Variants in CDH8 observed in about 807,000 individuals in gnomAD.
The protein encoded by CDH8 is cadherin 8.
In CDH8, 17 loss-of-function variants were observed where a neutral mutation model predicts 68.1. The ratio of observed to expected loss-of-function variants is 0.25; its 90% CI spans 0.17 to 0.37. The LOEUF (loss-of-function observed/expected upper bound fraction) is 0.37. Ranked by LOEUF, CDH8 falls within the 10% of genes least tolerant of loss-of-function variation. The pLI is 1.00. For missense variants in CDH8, 763 were observed against 999.3 expected (o/e 0.76, Z 3.19); for synonymous variants, 372 against 365.1 (o/e 1.02, Z -0.21).
Position 61,857,197 on chromosome 16 carries a change from G to T in CDH8, c.589C>A (p.Pro197Thr), listed in dbSNP as rs374842980. 12 of 1,612,638 alleles carry T rather than the reference G, an allele frequency of 7.4e-6. No individual in the cohort carries two copies. Among genetic ancestry groups the T allele is most frequent in the Non-Finnish European group, 1.0e-5 (12 of 1,179,036 alleles). Residue 197 changes from proline (P) to threonine (T), a missense_variant, in exon 4 of 12, where the codon CCA becomes ACA. This residue lies in a region of CDH8 where 366 missense variants were observed against 563.1 expected (regional missense o/e 0.65). Transcript: ENST00000577390. ...AACTTTGCACTGTTTCCATAAACTG[G>T]GTCATCAGCGTCGGTCGCAGTGACG... Reference protein sequence around the residue: ...TNVTATDADDPVYGNSAKLVY... With the variant: ...TNVTATDADDTVYGNSAKLVY...
intron 7 of CDH8, among the ~76,000 whole-genome samples, chr16:61,791,475 T>A (rs2142994688): frequency 6.6e-6 from 1 of 152,146 alleles, no homozygotes; most frequent in Admixed American, 6.6e-5. Context: ...TTAAAAAAGC[T>A]AAAAAATGTC....
chr16:61,812,914 GA>G (rs1961984370), intron 7 of CDH8, among the ~76,000 whole-genome samples: 1 of 152,080 alleles, frequency 6.6e-6, no homozygotes, highest in African/African-American at 2.4e-5. Context: ...TTATAAAACT[GA>G]AATCATACTA....
intron 4 of CDH8, among the ~76,000 whole-genome samples, chr16:61,844,337 G>A (rs991143224): frequency 7.3e-5 from 11 of 151,018 alleles, no homozygotes; most frequent in Non-Finnish European, 1.2e-4. Context: ...GCTAAATGAC[G>A]AGTTAATGGG....
intron 2 of CDH8, among the ~76,000 whole-genome samples, chr16:61,930,946 A>C (rs1051353126): frequency 6.6e-6 from 1 of 152,264 alleles, no homozygotes; most frequent in African/African-American, 2.4e-5. Context: ...CTTTCAAAAA[A>C]GTCAAACTTG....
At chr16:61,795,453 A>G (rs1961474488) in intron 7 of CDH8, among the ~76,000 whole-genome samples, 1 of 152,104 alleles carries the variant, frequency 6.6e-6, no homozygotes, top group South Asian at 2.1e-4. Context: ...TGCAAAAGTA[A>G]TTATGGTTTT....
chr16:61,817,544 A>T lies in CDH8; in HGVS notation c.1212T>A (p.Ala404=). ...PTYLLEVHEN[A]ALNSVIGQVT... is the part of the protein sequence containing the mutation. The stretch of plus-strand genomic sequence containing the variant: ...CTTGCCCAATCACGGAGTTTAGAGC[A>T]GCATTTTCATGAACTTCAAGTAGGT... The change falls in exon 7 of 12, where the codon GCT becomes GCA. Residue 404 remains alanine (A), a synonymous_variant. Coordinates refer to ENST00000577390, the MANE Select transcript of CDH8 (RefSeq NM_001796.5). 1 of 1,613,988 alleles carries T rather than the reference A, an allele frequency of 6.2e-7. No individual in the cohort carries two copies. Among genetic ancestry groups the T allele is most frequent in the Non-Finnish European group, 8.5e-7 (1 of 1,179,936 alleles).
intron 2 of CDH8, among the ~76,000 whole-genome samples, chr16:61,955,532 T>C (rs1018291601): frequency 2.6e-5 from 4 of 152,244 alleles, no homozygotes; most frequent in African/African-American, 7.2e-5. Context: ...AATTAAATTC[T>C]GTTAAATTTA....
At chr16:61,898,718 A>T (rs1017948617) in intron 3 of CDH8, among the ~76,000 whole-genome samples, 1 of 152,190 alleles carries the variant, frequency 6.6e-6, no homozygotes, top group African/African-American at 2.4e-5. Context: ...ATGCATTAAG[A>T]TTACACAGCA....
intron 2 of CDH8, among the ~76,000 whole-genome samples, chr16:61,997,895 CA>C (rs916420625): frequency 6.6e-6 from 1 of 151,934 alleles, no homozygotes; most frequent in Admixed American, 6.6e-5. Flanking sequence ...GAAATTGTTC[CA>C]ATAAAAGGAA....
chr16:61,780,645 T>C (rs558069343), intron 8 of CDH8, among the ~76,000 whole-genome samples: 98 of 152,358 alleles, frequency 6.4e-4, no homozygotes, highest in African/African-American at 2.3e-3. Context: ...TAAATATTCA[T>C]CTCAGACAAA....
intron 10 of CDH8, among the ~76,000 whole-genome samples, chr16:61,708,940 G>A (rs1241288868): frequency 6.6e-6 from 1 of 152,102 alleles, no homozygotes; most frequent in Non-Finnish European, 1.5e-5. Context: ...GGTGCTGTGT[G>A]TTGCGCTTTG....
chr16:61,707,451 T>TAAC (rs1964554321), intron 10 of CDH8, among the ~76,000 whole-genome samples: 1 of 152,162 alleles, frequency 6.6e-6, no homozygotes, highest in Admixed American at 6.5e-5. Flanking sequence ...GCCTGTGCTA[T>TAAC]TATATATTCC....
At chr16:61,743,730 A>G (rs545708967) in intron 8 of CDH8, among the ~76,000 whole-genome samples, 1 of 152,084 alleles carries the variant, frequency 6.6e-6, no homozygotes, top group East Asian at 1.9e-4. Context: ...GCCCCTTTGA[A>G]GTGGATGCTT....
chr16:61,852,851 G>GCCCT (rs1962963721), intron 4 of CDH8, among the ~76,000 whole-genome samples: 1 of 117,546 alleles, frequency 8.5e-6, no homozygotes, highest in Non-Finnish European at 1.7e-5. Flanking sequence ...CCCTGACTCT[G>GCCCT]CCCTTCCTTC....
At chr16:61,873,134 T>A (rs967142110) in intron 3 of CDH8, among the ~76,000 whole-genome samples, 1 of 152,224 alleles carries the variant, frequency 6.6e-6, no homozygotes, top group Non-Finnish European at 1.5e-5. Flanking sequence ...ATGTCTTGTG[T>A]GAATGTGTGT....
At chr16:61,992,077 T>A (rs72800833) in intron 2 of CDH8, among the ~76,000 whole-genome samples, 1,789 of 144,226 alleles carry the variant, frequency 0.012, 35 homozygotes, top group African/African-American at 0.039. Context: ...TGTGTGTGTG[T>A]GAGAGAGAGA....
At chr16:61,662,228 T>C (rs1333145048) in intron 10 of CDH8, among the ~76,000 whole-genome samples, 1 of 151,750 alleles carries the variant, frequency 6.6e-6, no homozygotes, top group Non-Finnish European at 1.5e-5. Context: ...TCATACGTTA[T>C]TCAACAATCT....
chr16:61,755,216 C>T (rs1021694085), intron 8 of CDH8, among the ~76,000 whole-genome samples: 7 of 152,000 alleles, frequency 4.6e-5, no homozygotes, highest in Admixed American at 2.0e-4. Flanking sequence ...GGGTGAAAGC[C>T]AACTATTTGT....
intron 3 of CDH8, among the ~76,000 whole-genome samples, chr16:61,888,617 C>G (rs1410087109): frequency 6.6e-6 from 1 of 152,092 alleles, no homozygotes; most frequent in Non-Finnish European, 1.5e-5. Flanking sequence ...AAATTCACCT[C>G]CTAAGGTTGT....
Sources: gnomAD v4.1 joint callset for allele counts (sites outside exome capture counted in the v4.1 genomes callset) on GRCh38, gnomAD v4.1.1 for gene constraint, gnomAD v4.1.1 regional missense constraint, MANE v1.5 for transcripts, NCBI Gene and HGNC (gene_info 2026-07-23, HGNC 2026-07-21) for gene names.